ABL2: variants seen among roughly 807,000 people sequenced by gnomAD.
ABL2 encodes the protein ABL proto-oncogene 2, non-receptor tyrosine kinase, also known as tyrosine-protein kinase ABL2.
ABL2 carries 49 observed loss-of-function variants against 107.7 expected under a neutral mutation model. The ratio of observed to expected loss-of-function variants is 0.45; its 90% CI spans 0.36 to 0.58. ABL2 has a LOEUF of 0.58. Ranked by LOEUF, ABL2 falls within the 20% of genes least tolerant of loss-of-function variation. The probability of loss-of-function intolerance (pLI) is 0.00; values close to 1 mark genes in which losing one functional copy is unlikely to be tolerated. For synonymous variants in ABL2, 549 were observed against 548.6 expected, an observed-to-expected ratio of 1.00 and a Z score of -0.01; for missense variants, 1,245 against 1,457.0, an observed-to-expected ratio of 0.85 and a Z score of 2.37.
In ABL2 at chr1:179,102,463, T is replaced by C. The variant is rs1653178319; in HGVS notation, c.*5255A>G. On this transcript the variant is annotated 3_prime_UTR_variant, in exon 12 of 12. Transcript: ENST00000502732. ...GGAATTTACAAAGGAAGTGAGCTACTACTGGCTTGATACAAGCTAAGACAG... is the reference window on the plus strand; with the variant it reads ...GGAATTTACAAAGGAAGTGAGCTACCACTGGCTTGATACAAGCTAAGACAG... 1 of 224,410 alleles carries C rather than the reference T, an allele frequency of 4.5e-6. No individual in the cohort carries two copies. Among genetic ancestry groups the C allele is most frequent in the African/African-American group, 2.2e-5 (1 of 44,842 alleles). The allele number at this position is 224,410 out of a possible 1,614,324, so 13.9% of individuals were successfully genotyped here.
chr1:179,117,196 T>C lies in ABL2; in HGVS notation c.1408+136A>G, dbSNP rs941950755. 6.2e-5 allele frequency: 57 copies of C among 919,132 alleles called. No individual in the cohort carries two copies. The African/African-American group carries it at 8.9e-4, about 14-fold the overall frequency. 56.9% of individuals were successfully genotyped at this position (919,132 alleles called of 1,614,324 possible). On this transcript the variant is annotated intron_variant, in intron 8 of 11. Coordinates refer to ENST00000502732, the MANE Select transcript of ABL2 (RefSeq NM_007314.4). Reference sequence around the variant, plus strand: ...TGGCAGATAGGAGGTATTTAACAAATGCTTGCTGAATAACTGAAGAAGAAT... The same window carrying C: ...TGGCAGATAGGAGGTATTTAACAAACGCTTGCTGAATAACTGAAGAAGAAT...
chr1:179,129,848 C>A (rs968022885), intron 3 of ABL2, among the ~76,000 whole-genome samples: 6 of 152,124 alleles, frequency 3.9e-5, no homozygotes, highest in African/African-American at 1.4e-4. Context: ...GGAGATGATG[C>A]ACTTTTACTT....
At chr1:179,136,123 C>T (rs1029926904) in intron 1 of ABL2, among the ~76,000 whole-genome samples, 7 of 149,838 alleles carry the variant, frequency 4.7e-5, no homozygotes, top group African/African-American at 4.9e-5. Flanking sequence ...CCACCCCGTC[C>T]GGGAGGTGAG....
At position 179,103,397 on chromosome 1, in the gene ABL2, T is replaced by C. The variant is rs1473814259; in HGVS notation, c.*4321A>G. 2 of 203,798 alleles carry C rather than the reference T, an allele frequency of 9.8e-6. No individual in the cohort carries two copies. Among genetic ancestry groups the C allele is most frequent in the Non-Finnish European group, 2.0e-5 (2 of 99,552 alleles). The allele number at this position is 203,798 out of a possible 1,614,324, so 12.6% of individuals were successfully genotyped here. A position where few individuals can be genotyped will look rare whatever the true frequency, so the allele number is the denominator to read the frequency against. On this transcript the variant is annotated 3_prime_UTR_variant, in exon 12 of 12. Coordinates refer to ENST00000502732, the MANE Select transcript of ABL2 (RefSeq NM_007314.4). ...AGACAATACTACAACCTTATAGTTA[T>C]ATTACAGTTGATATTTTCTCAAAGT...
At chr1:179,177,312 C>T (rs973195182) in intron 1 of ABL2, among the ~76,000 whole-genome samples, 1 of 152,172 alleles carries the variant, frequency 6.6e-6, no homozygotes, top group Admixed American at 6.5e-5. Context: ...AAAGATGCCC[C>T]GAGATTCAAC....
At chr1:179,181,595 C>A (rs1009515060) in intron 1 of ABL2, among the ~76,000 whole-genome samples, 1 of 152,064 alleles carries the variant, frequency 6.6e-6, no homozygotes, top group African/African-American at 2.4e-5. Context: ...CTAAATGTAA[C>A]CCTAACTCAG....
At chr1:179,193,460 A>G (rs1020894088) in intron 1 of ABL2, among the ~76,000 whole-genome samples, 4 of 151,852 alleles carry the variant, frequency 2.6e-5, no homozygotes, top group Non-Finnish European at 4.4e-5. Flanking sequence ...CTGGAGTGCA[A>G]TGGCGCAATC....
intron 1 of ABL2, among the ~76,000 whole-genome samples, chr1:179,153,652 A>C (rs1181958520): frequency 3.9e-5 from 6 of 152,088 alleles, no homozygotes; most frequent in African/African-American, 1.4e-4. Flanking sequence ...GCTCCCCATC[A>C]CATGTATAAA....
At chr1:179,134,666 T>C (rs942013406) in intron 1 of ABL2, among the ~76,000 whole-genome samples, 4 of 152,156 alleles carry the variant, frequency 2.6e-5, no homozygotes, top group African/African-American at 9.6e-5. Context: ...TGATGTCTTC[T>C]CTAACTAGGT....
chr1:179,169,011 C>T (rs1262926754), intron 1 of ABL2, among the ~76,000 whole-genome samples: 1 of 152,142 alleles, frequency 6.6e-6, no homozygotes, highest in Non-Finnish European at 1.5e-5. Flanking sequence ...CTGGACACTA[C>T]CTTCATCTTT....
intron 1 of ABL2, among the ~76,000 whole-genome samples, chr1:179,178,419 AAT>A (rs1177389895): frequency 2.6e-5 from 4 of 151,198 alleles, no homozygotes; most frequent in African/African-American, 9.7e-5. Context: ...AAAAAAAAAA[AAT>A]TATTTGTGTA....
At chr1:179,201,698 G>A (rs200959396) in intron 1 of ABL2, 31 of 631,240 alleles carry the variant, frequency 4.9e-5, no homozygotes, top group South Asian at 2.3e-4. Context: ...CTTTCTTGAC[G>A]TAGGTCAGAG....
chr1:179,113,776 A>G (rs1654332256), intron 9 of ABL2, among the ~76,000 whole-genome samples: 1 of 151,998 alleles, frequency 6.6e-6, no homozygotes, highest in Non-Finnish European at 1.5e-5. Flanking sequence ...AAAAATGCAA[A>G]AAAAATTAGC....
chr1:179,122,991 T>C (rs1396202521), intron 4 of ABL2, among the ~76,000 whole-genome samples: 1 of 152,148 alleles, frequency 6.6e-6, no homozygotes, highest in African/African-American at 2.4e-5. Flanking sequence ...CACAAGACTA[T>C]GGACTCAACT....
Position 179,108,386 on chromosome 1 carries a change from A to G in ABL2, c.2881T>C (p.Leu961=). The part of the protein sequence containing the change: ...TDSQGNKFKL[L]SEHQVTSSGD... ...GAGGATGTGACCTGATGCTCAGATA[A>G]GAGCTTGAATTTATTCCCCTGAGAG... The change falls in exon 12 of 12, where the codon TTA becomes CTA. Residue 961 remains leucine, a synonymous_variant. Coordinates refer to ENST00000502732, the MANE Select transcript of ABL2 (RefSeq NM_007314.4). 6.2e-7 allele frequency: 1 copy of G among 1,614,188 alleles called. No homozygotes were observed. The highest frequency in any genetic ancestry group is 8.5e-7 in the Non-Finnish European group (1 of 1,180,024).
chr1:179,167,266 G>A (rs1659441099), intron 1 of ABL2, among the ~76,000 whole-genome samples: 1 of 152,244 alleles, frequency 6.6e-6, no homozygotes. Flanking sequence ...GCAGCAACAC[G>A]GATGGAACTG....
At chr1:179,175,239 T>A (rs996081639) in intron 1 of ABL2, among the ~76,000 whole-genome samples, 1 of 152,162 alleles carries the variant, frequency 6.6e-6, no homozygotes, top group Non-Finnish European at 1.5e-5. Context: ...GAGTTAGTTA[T>A]GTTTTTAGCA....
chr1:179,178,350 C>T (rs954052785), intron 1 of ABL2, among the ~76,000 whole-genome samples: 1 of 137,902 alleles, frequency 7.3e-6, no homozygotes, highest in African/African-American at 2.7e-5. Flanking sequence ...GGCAGTGAGC[C>T]GAGATCCCGC....
intron 1 of ABL2, chr1:179,142,946 T>G: frequency 6.2e-7 from 1 of 1,614,118 alleles, no homozygotes. Flanking sequence ...TTAAGTCGGG[T>G]AGAGCAGATT....
Sources: allele counts gnomAD v4.1 joint callset (sites outside exome capture counted in the v4.1 genomes callset), GRCh38; gene constraint gnomAD v4.1.1; transcripts MANE v1.5; gene names NCBI Gene and HGNC (gene_info 2026-07-23, HGNC 2026-07-21).